Variants in AVIL observed in about 807,000 individuals in gnomAD.
AVIL encodes advillin.
In AVIL, 78 loss-of-function variants were observed where a neutral mutation model predicts 109.9. The observed-to-expected ratio is 0.71, with a 90% CI of 0.59 to 0.86. The LOEUF (loss-of-function observed/expected upper bound fraction) is 0.86, where lower values mean the gene tolerates loss of function less well. Among genes scored for constraint, AVIL ranks in the 40% least tolerant of loss-of-function variants. The pLI, the probability that AVIL is intolerant of heterozygous loss-of-function variation, is 0.00. For synonymous variants in AVIL, 367 were observed against 379.1 expected (o/e 0.97, Z 0.37); for missense variants, 892 against 1,016.5 (o/e 0.88, Z 1.67).
rs779499325 is a variant in AVIL, at chr12:57,818,328, CCT to C, written c.-20+299_-20+300del. On this transcript the variant is annotated intron_variant, in intron 1 of 19. Transcript: ENST00000549994. The stretch of plus-strand genomic sequence containing the variant: ...GTGTTGGGATTACAGGTGTAAGCCA[CCT>C]CTCTGGGCCAGGAAGCTGGTTTTAA... Among the ~76,000 whole-genome samples the C allele has an allele frequency of 4.4e-4, 66 of 151,552 alleles. 4 individuals carry two copies. The highest frequency in any genetic ancestry group is 2.0e-3 in the East Asian group (10 of 5,120).
At chr12:57,811,974 A>C (rs1007665690) in intron 4 of AVIL, among the ~76,000 whole-genome samples, 1 of 151,664 alleles carries the variant, frequency 6.6e-6, no homozygotes, top group Non-Finnish European at 1.5e-5. Context: ...TTTTATTTTC[A>C]TTCTAGTAAA....
In AVIL at chr12:57,803,659, C is replaced by G. The variant is rs201965436; in HGVS notation, c.1682G>C (p.Gly561Ala). 20 of 1,614,026 alleles carry G rather than the reference C, an allele frequency of 1.2e-5. No homozygotes were observed. The East Asian group carries it at 4.0e-4, about 32-fold the overall frequency. Residue 561 changes from glycine (G) to alanine (A), a missense_variant, in exon 15 of 20, where the codon GGG (glycine) becomes GCG (alanine). Transcript: ENST00000549994. ...HYLWYGKGSS[G>A]DERAMAKELA... ...CTCCTTAGCCATTGCCCGCTCATCC[C>G]CACTAGACCCCTGAGAGTGGGGCGA...
intron 19 of AVIL, among the ~76,000 whole-genome samples, chr12:57,799,589 A>G (rs1313818064): frequency 3.3e-5 from 5 of 152,192 alleles, no homozygotes; most frequent in African/African-American, 1.2e-4. Context: ...AGAGGAGTGA[A>G]CAGAAGCTAG....
rs1421296764 is a variant in AVIL at position 57,802,165 on chromosome 12, A to C, written c.2146T>G (p.Trp716Gly). 1.2e-6 allele frequency: 2 copies of C among 1,613,738 alleles called. No individual in the cohort carries two copies. Among genetic ancestry groups the C allele is most frequent in the African/African-American group, 1.3e-5 (1 of 74,902 alleles). The stretch of plus-strand genomic sequence containing the variant: ...TCCCTACTCTCTTTTCTTACACTCC[A>C]AATGTTAGGGTCCCAGGCTAGGAAC... ...GWFLAWDPNI[W>G]SAGKTYEQLK... Residue 716 changes from tryptophan to glycine, a missense_variant, in exon 17 of 20, where the codon TGG becomes GGG. Trp to Gly is a radical substitution (Grantham distance 184, BLOSUM62 -2). Coordinates refer to ENST00000549994, the MANE Select transcript of AVIL (RefSeq NM_006576.4).
chr12:57,813,947 C>T (rs946045228), intron 3 of AVIL, among the ~76,000 whole-genome samples: 1 of 152,112 alleles, frequency 6.6e-6, no homozygotes, highest in African/African-American at 2.4e-5. Context: ...AGGGTCCTAC[C>T]CCCATCCTCT....
chr12:57,808,213 T>C lies in AVIL; in HGVS notation c.1175A>G (p.Asp392Gly), dbSNP rs1403672229. The C allele has an allele frequency of 1.9e-6, 3 of 1,614,094 alleles. No homozygotes were observed. The highest frequency in any genetic ancestry group is 1.7e-5 in the Admixed American group (1 of 60,010). ...GCTTACCTCAACTTTTCCGTTGCCATCATCGACCATTCTTTCCTGGGCAGC... is the reference window on the plus strand; with the variant it reads ...GCTTACCTCAACTTTTCCGTTGCCACCATCGACCATTCTTTCCTGGGCAGC... ...EVAAQERMVD[D>G]GNGKVEVWRI... The change falls in exon 11 of 20, where the codon GAT becomes GGT. Residue 392 changes from aspartate (D) to glycine (G), a missense_variant. Transcript: ENST00000549994.
chr12:57,817,977 G>C (rs1381231394), intron 1 of AVIL, among the ~76,000 whole-genome samples: 3 of 152,080 alleles, frequency 2.0e-5, no homozygotes, highest in Non-Finnish European at 4.4e-5. Flanking sequence ...GTAATTCTCA[G>C]AGATGCCCTT....
intron 13 of AVIL, 117 bp from the exon 14 acceptor site, chr12:57,806,656 T>A: frequency 8.7e-7 from 1 of 1,152,940 alleles, no homozygotes; most frequent in Non-Finnish European, 1.2e-6. Context: ...GAGGAGCTTC[T>A]AGACTCACTG....
chr12:57,815,614 G>A lies in AVIL; in HGVS notation c.66+361C>T, dbSNP rs1328960131. 3 of 1,298,640 alleles carry A rather than the reference G, an allele frequency of 2.3e-6. No homozygotes were observed. The East Asian group carries it at 1.5e-4, about 67-fold the overall frequency. 80.4% of individuals were successfully genotyped at this position (1,298,640 alleles called of 1,614,324 possible). A position where few individuals can be genotyped will look rare whatever the true frequency, so the allele number is the denominator to read the frequency against. ...TTTTGTAGGAGCCAGGGTGCCCCGT[G>A]GAAGACATGTTCCATTTCTCTGATG... On this transcript the variant is annotated intron_variant, in intron 2 of 19. Transcript: ENST00000549994.
At chr12:57,816,330 A>G (rs1339789979) in intron 1 of AVIL, 1 of 356,632 alleles carries the variant, frequency 2.8e-6, no homozygotes, top group Admixed American at 4.5e-5. Flanking sequence ...TTATTTACCA[A>G]AGGGGTGATA....
intron 14 of AVIL, among the ~76,000 whole-genome samples, chr12:57,804,595 T>A (rs1311176617): frequency 6.6e-6 from 1 of 152,146 alleles, no homozygotes; most frequent in Non-Finnish European, 1.5e-5. Flanking sequence ...GTGGATCACC[T>A]GAGGTCAGGA....
In AVIL at chr12:57,803,573, C is replaced by T. The variant is rs372334329; in HGVS notation, c.1768G>A (p.Glu590Lys). 1.1e-5 allele frequency: 17 copies of T among 1,614,196 alleles called. No homozygotes were observed. Among genetic ancestry groups the T allele is most frequent in the Admixed American group, 3.3e-5 (2 of 60,020 alleles). Residue 590 changes from glutamate to lysine, a missense_variant, in exon 15 of 20, where the codon GAG (glutamate) becomes AAG (lysine). Coordinates refer to ENST00000549994, the MANE Select transcript of AVIL (RefSeq NM_006576.4). ...NTVAEGQEPA[E>K]FWDLLGGKTP... ...TTCCCTCCCAGTAGGTCCCAGAACT[C>T]GGCTGGCTCCTGGCCCTCGGCCACA...
At chr12:57,799,032 A>G (rs1001688445) in intron 19 of AVIL, among the ~76,000 whole-genome samples, 22 of 152,348 alleles carry the variant, frequency 1.4e-4, no homozygotes, top group African/African-American at 4.1e-4. Flanking sequence ...ATGGTGAGCA[A>G]GACAAACAAA....
chr12:57,805,028 C>T (rs1955921341), intron 14 of AVIL, among the ~76,000 whole-genome samples: 1 of 152,052 alleles, frequency 6.6e-6, no homozygotes, highest in Non-Finnish European at 1.5e-5. Context: ...AGCATCTTTT[C>T]CTGTTCTTTT....
chr12:57,797,471 G>T lies in AVIL; in HGVS notation c.*411C>A, dbSNP rs1021715229. The T allele has an allele frequency of 2.0e-6, 2 of 983,494 alleles. No individual in the cohort carries two copies. Among genetic ancestry groups the T allele is most frequent in the Non-Finnish European group, 2.4e-6 (2 of 828,140 alleles). The allele number at this position is 983,494 out of a possible 1,614,324, so 60.9% of individuals were successfully genotyped here. On this transcript the variant is annotated 3_prime_UTR_variant, in exon 20 of 20. Transcript: ENST00000549994. The stretch of plus-strand genomic sequence containing the variant: ...GATTTTGCCTATGGAGTGCATATAT[G>T]ATTTCAATGATTTACAGGCTAAATA...
Position 57,797,659 on chromosome 12 carries a change from A to T in AVIL, c.*223T>A, listed in dbSNP as rs1955763397. 1.2e-6 allele frequency: 1 copy of T among 815,654 alleles called. No homozygotes were observed. Among genetic ancestry groups the T allele is most frequent in the African/African-American group, 1.8e-5 (1 of 55,004 alleles). The allele number at this position is 815,654 out of a possible 1,614,324, so 50.5% of individuals were successfully genotyped here. A position where few individuals can be genotyped will look rare whatever the true frequency, so the allele number is the denominator to read the frequency against. On this transcript the variant is annotated 3_prime_UTR_variant, in exon 20 of 20. Coordinates refer to ENST00000549994, the MANE Select transcript of AVIL (RefSeq NM_006576.4). ...TGCTTTCTGCTGAGGCTTTAGCTAG[A>T]GGGCCACAAAACCCAAAAACTATAT...
Position 57,797,486 on chromosome 12 carries a change from C to T in AVIL, c.*396G>A. On this transcript the variant is annotated 3_prime_UTR_variant, in exon 20 of 20. Coordinates refer to ENST00000549994, the MANE Select transcript of AVIL (RefSeq NM_006576.4). ...GTGCATATATGATTTCAATGATTTA[C>T]AGGCTAAATAGATTTTAGAAATAAT... The T allele has an allele frequency of 1.0e-6, 1 of 979,996 alleles. No individual in the cohort carries two copies. 60.7% of individuals were successfully genotyped at this position (979,996 alleles called of 1,614,324 possible).
chr12:57,800,634 C>T (rs1236845241), intron 18 of AVIL: 1 of 152,940 alleles, frequency 6.5e-6, no homozygotes, highest in African/African-American at 2.4e-5. Flanking sequence ...TTGAGACGGA[C>T]TCTCGCTCTG....
chr12:57,808,713 T>A, intron 9 of AVIL, 165 bp from the exon 10 acceptor site: 2 of 671,684 alleles, frequency 3.0e-6, no homozygotes, highest in Non-Finnish European at 4.6e-6. Flanking sequence ...GGTACCTGCC[T>A]AAAAAAAAAA....
Sources: gnomAD v4.1 joint callset for allele counts (sites outside exome capture counted in the v4.1 genomes callset) on GRCh38, gnomAD v4.1.1 for gene constraint, MANE v1.5 for transcripts, NCBI Gene and HGNC (gene_info 2026-07-23, HGNC 2026-07-21) for gene names.